The following FAM118A variants were observed in gnomAD, a reference collection of about 807,000 sequenced individuals.
FAM118A encodes the protein protein FAM118A.
FAM118A carries 25 observed loss-of-function variants against 38.2 expected under a neutral mutation model. The ratio of observed to expected loss-of-function variants is 0.65; its 90% CI spans 0.48 to 0.91. The LOEUF is 0.91. Ranked by LOEUF, FAM118A falls within the 40% of genes least tolerant of loss-of-function variation. The pLI is 0.00. For missense variants in FAM118A, 425 were observed against 463.3 expected (o/e 0.92, Z 0.76); for synonymous variants, 178 against 184.1 (o/e 0.97, Z 0.27).
chr22:45,328,442 T>TG (rs775445563), intron 4 of FAM118A: 1 of 949,014 alleles, frequency 1.1e-6, no homozygotes, highest in Non-Finnish European at 1.8e-6. Flanking sequence ...TTCTGTGCCC[T>TG]GGGAGCTGCT....
At chr22:45,320,277 CATG>C (rs2084795721) in intron 1 of FAM118A, among the ~76,000 whole-genome samples, 1 of 152,112 alleles carries the variant, frequency 6.6e-6, no homozygotes, top group Admixed American at 6.5e-5. Context: ...TCCTGGCTAA[CATG>C]GTGAAATCCC....
chr22:45,312,250 A>G (rs188537546), intron 1 of FAM118A, among the ~76,000 whole-genome samples: 2 of 152,284 alleles, frequency 1.3e-5, no homozygotes, highest in Admixed American at 6.5e-5. Context: ...GATAGCATCA[A>G]ATCTCGCAAG....
rs763670872 is a variant in FAM118A at position 45,332,451 on chromosome 22, C to T, written c.678C>T (p.Thr226=). The T allele has an allele frequency of 1.2e-6, 2 of 1,613,738 alleles. No individual in the cohort carries two copies. The highest frequency in any genetic ancestry group is 1.3e-5 in the African/African-American group (1 of 74,894). Residue 226 remains threonine (T), a synonymous_variant, in exon 6 of 9, where the codon ACC becomes ACT. Coordinates refer to ENST00000441876, the MANE Select transcript of FAM118A (RefSeq NM_017911.4). ...VMEVLQNLYR[T]KSFLFVGCGE... ...AAGTCCTCCAGAACTTATACCGCAC[C>T]AAGTCCTTTCTGTTTGTGGGCTGTG... is the stretch of plus-strand genomic sequence containing the variant.
chr22:45,327,998 C>A lies in FAM118A; in HGVS notation c.457C>A (p.Leu153Met), dbSNP rs201336192. 57 of 1,613,360 alleles carry A rather than the reference C, an allele frequency of 3.5e-5. No homozygotes were observed. The East Asian group carries it at 1.3e-3, about 36-fold the overall frequency. ...MVLTTNYDNL[L>M]EAFGRRQNKP... ...CCTGACCACCAACTATGACAACCTGCTGGAGGCCTTTGGCCGGCGGCAGAA... is the reference window on the plus strand; with the variant it reads ...CCTGACCACCAACTATGACAACCTGATGGAGGCCTTTGGCCGGCGGCAGAA... The change falls in exon 4 of 9, where the codon CTG (leucine) becomes ATG (methionine). Residue 153 changes from leucine (L) to methionine (M), a missense_variant. Physicochemically the swap from Leu to Met is conservative, Grantham distance 15. Coordinates refer to ENST00000441876, the MANE Select transcript of FAM118A (RefSeq NM_017911.4).
chr22:45,334,049 A>G (rs530885964), intron 6 of FAM118A, among the ~76,000 whole-genome samples: 1 of 152,334 alleles, frequency 6.6e-6, no homozygotes, highest in Non-Finnish European at 1.5e-5. Flanking sequence ...CACAAGCACA[A>G]AATGATTTCA....
upstream of FAM118A, chr22:45,309,176 G>A (rs1489477959): frequency 6.6e-6 from 1 of 152,256 alleles, no homozygotes; most frequent in Non-Finnish European, 1.5e-5. Flanking sequence ...CTAAGCTGGG[G>A]AAGAGTATTT....
intron 4 of FAM118A, among the ~76,000 whole-genome samples, chr22:45,330,133 A>C (rs1427083220): frequency 6.6e-6 from 1 of 152,268 alleles, no homozygotes; most frequent in African/African-American, 2.4e-5. Context: ...CACCTAAAGT[A>C]ATCACTCTTA....
At chr22:45,314,960 G>A (rs1021863442) in intron 1 of FAM118A, among the ~76,000 whole-genome samples, 1 of 152,182 alleles carries the variant, frequency 6.6e-6, no homozygotes, top group Non-Finnish European at 1.5e-5. Context: ...GTTCACTATC[G>A]GCCTTGGCCA....
chr22:45,339,820 A>T (rs2086357575), intron 8 of FAM118A, among the ~76,000 whole-genome samples: 2 of 152,278 alleles, frequency 1.3e-5, no homozygotes, highest in Non-Finnish European at 2.9e-5. Context: ...GGTAGGGCCT[A>T]CTGCCTGGTA....
At chr22:45,326,630 C>G (rs1044793109) in intron 3 of FAM118A, among the ~76,000 whole-genome samples, 1 of 151,836 alleles carries the variant, frequency 6.6e-6, no homozygotes, top group African/African-American at 2.4e-5. Flanking sequence ...AGTTTGAGAC[C>G]AGCCTGGCCA....
Position 45,335,341 on chromosome 22 carries a change from C to T in FAM118A, c.938-9C>T. ...TCGGCTCCACTGACTGCTTTTCTTTCTCCTTCAGATGCTGATCGCGTGGAC... is the reference window on the plus strand; with the variant it reads ...TCGGCTCCACTGACTGCTTTTCTTTTTCCTTCAGATGCTGATCGCGTGGAC... On this transcript the variant is annotated splice_polypyrimidine_tract_variant and intron_variant, in intron 6 of 8. Coordinates refer to ENST00000441876, the MANE Select transcript of FAM118A (RefSeq NM_017911.4). 6.2e-7 allele frequency: 1 copy of T among 1,614,254 alleles called. No homozygotes were observed. The highest frequency in any genetic ancestry group is 8.5e-7 in the Non-Finnish European group (1 of 1,180,038).
chr22:45,318,361 C>A (rs192355123), intron 1 of FAM118A: 1 of 152,060 alleles, frequency 6.6e-6, no homozygotes, highest in African/African-American at 2.4e-5. Context: ...ACCGTGGTGA[C>A]GACATAGTCA....
chr22:45,330,835 G>A, intron 5 of FAM118A, 104 bp downstream of exon 5: 2 of 1,317,340 alleles, frequency 1.5e-6, no homozygotes, highest in South Asian at 2.1e-5. Context: ...AGGCGTCCGT[G>A]CCCTTCAGGT....
chr22:45,328,623 C>A, intron 4 of FAM118A: 1 of 565,858 alleles, frequency 1.8e-6, no homozygotes, highest in Non-Finnish European at 3.1e-6. Flanking sequence ...AGAGTAAGAC[C>A]CTTTCTCTTA....
intron 2 of FAM118A, 152 bp downstream of exon 2, chr22:45,322,578 T>C (rs972958565): frequency 4.6e-5 from 33 of 713,178 alleles, no homozygotes; most frequent in Non-Finnish European, 7.4e-5. Context: ...TTTTCCACCC[T>C]TGGCTTCAAT....
At chr22:45,338,572 G>GT (rs1422109264) in intron 8 of FAM118A, among the ~76,000 whole-genome samples, 1 of 152,180 alleles carries the variant, frequency 6.6e-6, no homozygotes, top group African/African-American at 2.4e-5. Flanking sequence ...ATCTGCTGTT[G>GT]TAAGTCTGCG....
At chr22:45,326,348 G>C (rs1045325947) in intron 3 of FAM118A, among the ~76,000 whole-genome samples, 2 of 152,122 alleles carry the variant, frequency 1.3e-5, no homozygotes, top group Admixed American at 6.5e-5. Context: ...GGCTGCTTCC[G>C]GAGGCCAGGC....
At chr22:45,338,557 A>G (rs1187032700) in intron 8 of FAM118A, among the ~76,000 whole-genome samples, 1 of 152,234 alleles carries the variant, frequency 6.6e-6, no homozygotes, top group Admixed American at 6.5e-5. Context: ...ACCTTTTCTC[A>G]GAGCATCTGC....
intron 1 of FAM118A, among the ~76,000 whole-genome samples, chr22:45,311,905 C>G (rs1221263460): frequency 5.3e-5 from 8 of 151,900 alleles, no homozygotes; most frequent in Admixed American, 2.0e-4. Context: ...GTCCTATTAC[C>G]GTAGGGTCTG....
Sources: gnomAD v4.1 joint callset for allele counts (sites outside exome capture counted in the v4.1 genomes callset) on GRCh38, gnomAD v4.1.1 for gene constraint, MANE v1.5 for transcripts, NCBI Gene and HGNC (gene_info 2026-07-23, HGNC 2026-07-21) for gene names.